GEN1: variants seen among roughly 807,000 people sequenced by gnomAD.
The protein encoded by GEN1 is flap endonuclease GEN homolog 1.
GEN1 carries 64 observed loss-of-function variants against 67.6 expected under a neutral mutation model. That is an observed-to-expected ratio of 0.95 (90% CI 0.77 to 1.17). The LOEUF is 1.17. Ranked by LOEUF, GEN1 falls within the 50% of genes most tolerant of loss-of-function variation. GEN1 has a pLI of 0.00. For missense variants in GEN1, 1,058 were observed against 1,048.3 expected, an observed-to-expected ratio of 1.01 and a Z score of -0.13; for synonymous variants, 371 against 359.4, an observed-to-expected ratio of 1.03 and a Z score of -0.37.
At position 17,761,432 on chromosome 2, in the gene GEN1, G is replaced by T; in HGVS notation, c.198G>T (p.Met66Ile). 1 of 1,606,770 alleles carries T rather than the reference G, an allele frequency of 6.2e-7. No homozygotes were observed. Among genetic ancestry groups the T allele is most frequent in the Middle Eastern group, 1.7e-4 (1 of 6,052 alleles). The change falls in exon 3 of 14, where the codon ATG becomes ATT. Residue 66 changes from methionine (M) to isoleucine (I), a missense_variant. By Grantham distance (10) the Met-to-Ile change is conservative. Coordinates refer to ENST00000381254, the MANE Select transcript of GEN1 (RefSeq NM_001130009.3). ...LFFRISYLTQ[M>I]DVKLVFVMEG... Reference sequence around the variant, plus strand: ...TTCGTATCTCATATTTAACACAAATGGATGTAAAACTGGTATTTGTTATGG... The same window carrying T: ...TTCGTATCTCATATTTAACACAAATTGATGTAAAACTGGTATTTGTTATGG...
chr2:17,761,259 C>G (rs1447976428), intron 2 of GEN1, 137 bp from the exon 3 acceptor site: 1 of 579,556 alleles, frequency 1.7e-6, no homozygotes, highest in Non-Finnish European at 3.0e-6. Flanking sequence ...GTTTTCCACT[C>G]TAATTAAAGC....
rs747120693 is a variant in GEN1, at chr2:17,781,368, T to G, written c.2156T>G (p.Leu719Arg). 1 of 1,613,940 alleles carries G rather than the reference T, an allele frequency of 6.2e-7. No homozygotes were observed. The highest frequency in any genetic ancestry group is 1.1e-5 in the South Asian group (1 of 91,082). The part of the protein sequence containing the change: ...ANSGSDCTSH[L>R]SKDLPGIPLQ... Reference sequence around the variant, plus strand: ...AGTGGTTCTGATTGTACATCACATCTTTCAAAGGATCTTCCAGGAATTCCC... The same window carrying G: ...AGTGGTTCTGATTGTACATCACATCGTTCAAAGGATCTTCCAGGAATTCCC... The change falls in exon 14 of 14, where the codon CTT (leucine) becomes CGT (arginine). Residue 719 changes from leucine to arginine, a missense_variant. Transcript: ENST00000381254.
At position 17,761,497 on chromosome 2, in the gene GEN1, A is replaced by G. The variant is rs376517521; in HGVS notation, c.263A>G (p.Lys88Arg). 3 of 1,613,262 alleles carry G rather than the reference A, an allele frequency of 1.9e-6. No homozygotes were observed. Among genetic ancestry groups the G allele is most frequent in the East Asian group, 2.2e-5 (1 of 44,860 alleles). The change falls in exon 3 of 14, where the codon AAG becomes AGG. Residue 88 changes from lysine to arginine, a missense_variant. Transcript: ENST00000381254. ...AAGCTGAAAGCTGATGTCATAAGCAAGAGGAATCAGTCTCGGTATGGGTCT... is the reference window on the plus strand; with the variant it reads ...AAGCTGAAAGCTGATGTCATAAGCAGGAGGAATCAGTCTCGGTATGGGTCT... ...PPKLKADVIS[K>R]RNQSRYGSSG...
chr2:17,787,247 A>C lies in GEN1; in HGVS notation c.*5308A>C, dbSNP rs949631125. 6.6e-6 allele frequency: 1 copy of C among 152,214 alleles called. No homozygotes were observed. The highest frequency in any genetic ancestry group is 1.5e-5 in the Non-Finnish European group (1 of 68,030). 9.4% of individuals were successfully genotyped at this position (152,214 alleles called of 1,614,324 possible). On this transcript the variant is annotated 3_prime_UTR_variant, in exon 14 of 14. Coordinates refer to ENST00000381254, the MANE Select transcript of GEN1 (RefSeq NM_001130009.3). ...TCACATTCATTCATTCGTTCCACAA[A>C]TATTAGCTGATGCCTGCCGTGTAGG...
At chr2:17,764,241 G>T (rs1283301246) in intron 3 of GEN1, among the ~76,000 whole-genome samples, 1 of 152,158 alleles carries the variant, frequency 6.6e-6, no homozygotes, top group East Asian at 1.9e-4. Flanking sequence ...ATTGTACAGG[G>T]AAGGCAAGAT....
In GEN1 at chr2:17,784,254, A is replaced by T. The variant is rs753990693; in HGVS notation, c.*2315A>T. 1.3e-5 allele frequency: 2 copies of T among 152,246 alleles called. No homozygotes were observed. Among genetic ancestry groups the T allele is most frequent in the Non-Finnish European group, 2.9e-5 (2 of 68,046 alleles). The allele number at this position is 152,246 out of a possible 1,614,324, so 9.4% of individuals were successfully genotyped here. A position where few individuals can be genotyped will look rare whatever the true frequency, so the allele number is the denominator to read the frequency against. ...AAAATTTTCAGTACTATTACTCATCAGGAAAATGCAAATCAAAACCACAAG... is the reference window on the plus strand; with the variant it reads ...AAAATTTTCAGTACTATTACTCATCTGGAAAATGCAAATCAAAACCACAAG... On this transcript the variant is annotated 3_prime_UTR_variant, in exon 14 of 14. Transcript: ENST00000381254.
chr2:17,755,195 G>A (rs1026244291), intron 1 of GEN1: 11 of 152,178 alleles, frequency 7.2e-5, no homozygotes, highest in African/African-American at 2.7e-4. Flanking sequence ...CAAAACATCT[G>A]GCCTTGTTGT....
chr2:17,774,507 G>C, intron 11 of GEN1, 106 bp downstream of exon 11: 1 of 811,864 alleles, frequency 1.2e-6, no homozygotes, highest in South Asian at 2.4e-5. Context: ...TGGAGGAAAG[G>C]CCTCCTGGAA....
chr2:17,753,362 G>A (rs1170197012), upstream of GEN1, among the ~76,000 whole-genome samples: 2 of 152,186 alleles, frequency 1.3e-5, no homozygotes, highest in Non-Finnish European at 2.9e-5. Flanking sequence ...CGCCTGGGAG[G>A]GGACGGCCCG....
At chr2:17,776,074 C>G (rs754251466) in intron 11 of GEN1, among the ~76,000 whole-genome samples, 2 of 143,628 alleles carry the variant, frequency 1.4e-5, no homozygotes, top group Admixed American at 1.5e-4. Flanking sequence ...TGAGTTCATA[C>G]CACTGCACTC....
At chr2:17,761,025 G>GT (rs768983688) in intron 2 of GEN1, among the ~76,000 whole-genome samples, 9 of 151,868 alleles carry the variant, frequency 5.9e-5, no homozygotes, top group Non-Finnish European at 1.3e-4. Context: ...GAGCTCAGGA[G>GT]TTCAAGACCA....
At chr2:17,776,513 A>T (rs1317213281) in intron 11 of GEN1, among the ~76,000 whole-genome samples, 1 of 152,240 alleles carries the variant, frequency 6.6e-6, no homozygotes, top group Non-Finnish European at 1.5e-5. Flanking sequence ...TGGAGAAAGC[A>T]AATGTGATAA....
chr2:17,778,905 A>G (rs1395258539), intron 12 of GEN1, among the ~76,000 whole-genome samples: 1 of 152,176 alleles, frequency 6.6e-6, no homozygotes, highest in African/African-American at 2.4e-5. Flanking sequence ...TGAAAAACAG[A>G]TAATTTAAAA....
rs984722942 is a variant in GEN1 at position 17,783,031 on chromosome 2, A to C, written c.*1092A>C. The C allele has an allele frequency of 6.6e-6, 1 of 152,182 alleles. No individual in the cohort carries two copies. 9.4% of individuals were successfully genotyped at this position (152,182 alleles called of 1,614,324 possible). On this transcript the variant is annotated 3_prime_UTR_variant, in exon 14 of 14. Transcript: ENST00000381254. Reference sequence around the variant, plus strand: ...ATCCAGGTCGTAGAATACAAGACCAATGTGCAATGATCATTGCATTTTGTT... The same window carrying C: ...ATCCAGGTCGTAGAATACAAGACCACTGTGCAATGATCATTGCATTTTGTT...
intron 11 of GEN1, among the ~76,000 whole-genome samples, chr2:17,775,548 C>T (rs1459291240): frequency 3.3e-5 from 5 of 152,044 alleles, no homozygotes; most frequent in African/African-American, 4.8e-5. Flanking sequence ...TAGACATCAA[C>T]GATAAAAGGA....
intron 6 of GEN1, among the ~76,000 whole-genome samples, chr2:17,769,369 T>C (rs1572403073): frequency 6.6e-6 from 1 of 152,078 alleles, no homozygotes; most frequent in South Asian, 2.1e-4. Flanking sequence ...TGAGCCACGG[T>C]GCCCAGCCAC....
intron 2 of GEN1, among the ~76,000 whole-genome samples, chr2:17,760,469 T>G (rs1209875413): frequency 3.3e-5 from 5 of 152,156 alleles, no homozygotes; most frequent in Non-Finnish European, 7.3e-5. Context: ...CAAACTTATC[T>G]CAGTGTCCAG....
chr2:17,773,324 A>T, intron 10 of GEN1, 25 bp downstream of exon 10: 3 of 1,384,870 alleles, frequency 2.2e-6, no homozygotes, highest in Non-Finnish European at 3.0e-6. Context: ...ATTCTTCTTT[A>T]CTGTATGAAG....
intron 1 of GEN1, 68 bp downstream of exon 1, chr2:17,754,413 G>A (rs932919904): frequency 3.3e-5 from 5 of 152,264 alleles, no homozygotes; most frequent in South Asian, 2.1e-4. Flanking sequence ...TGACCATCTG[G>A]CTTACGGACG....
Sources: allele counts gnomAD v4.1 joint callset (sites outside exome capture counted in the v4.1 genomes callset), GRCh38; gene constraint gnomAD v4.1.1; transcripts MANE v1.5; gene names NCBI Gene and HGNC (gene_info 2026-07-23, HGNC 2026-07-21).